The following PSMD12 variants were observed in gnomAD, a reference collection of about 807,000 sequenced individuals.
PSMD12 encodes proteasome 26S subunit, non-ATPase 12, also known as 26S proteasome non-ATPase regulatory subunit 12.
A neutral mutation model predicts 62.9 loss-of-function variants in PSMD12; 8 were observed. The observed-to-expected ratio is 0.13, with a 90% CI of 0.07 to 0.23. The LOEUF (loss-of-function observed/expected upper bound fraction) is 0.23. PSMD12 is among the 10% of genes least tolerant of loss of function. PSMD12 has a pLI of 1.00. For synonymous variants in PSMD12, 173 were observed against 187.4 expected, an observed-to-expected ratio of 0.92 and a Z score of 0.63; for missense variants, 424 against 550.2, an observed-to-expected ratio of 0.77 and a Z score of 2.29.
intron 3 of PSMD12, among the ~76,000 whole-genome samples, chr17:67,355,036 T>C (rs2042054332): frequency 6.6e-6 from 1 of 151,742 alleles, no homozygotes; most frequent in Admixed American, 6.6e-5. Context: ...TTTTAGGTTG[T>C]CTCAATTAAA....
At chr17:67,353,519 T>A (rs1402364959) in intron 3 of PSMD12, among the ~76,000 whole-genome samples, 1 of 152,008 alleles carries the variant, frequency 6.6e-6, no homozygotes, top group Non-Finnish European at 1.5e-5. Flanking sequence ...GTTGCCCAGG[T>A]TGGTCTTAAA....
intron 1 of PSMD12, among the ~76,000 whole-genome samples, chr17:67,360,788 C>T (rs1020040199): frequency 1.3e-5 from 2 of 152,212 alleles, no homozygotes; most frequent in African/African-American, 4.8e-5. Flanking sequence ...TGGCACTCAC[C>T]TGATCTGTAT....
At chr17:67,356,340 C>T (rs971043213) in intron 3 of PSMD12, among the ~76,000 whole-genome samples, 6 of 151,296 alleles carry the variant, frequency 4.0e-5, no homozygotes, top group Admixed American at 6.6e-5. Flanking sequence ...GGGCGGATCA[C>T]GAGGTCAGGA....
rs570265604 is a variant in PSMD12 at position 67,362,538 on chromosome 17, T to C, written c.108+3874A>G. ...AAATACAGGCATGGTAGTGCACGCC[T>C]GTAGTCCCAGCTACTGGGGACGCCG... On this transcript the variant is annotated intron_variant, in intron 1 of 10. Coordinates refer to ENST00000356126, the MANE Select transcript of PSMD12 (RefSeq NM_002816.5). 2.0e-5 allele frequency among the ~76,000 whole-genome samples: 3 copies of C among 149,672 alleles called. No homozygotes were observed. The South Asian group carries it at 6.3e-4, about 31-fold the overall frequency.
At position 67,345,742 on chromosome 17, in the gene PSMD12, T is replaced by C; in HGVS notation, c.908+3A>G. 1 of 1,589,686 alleles carries C rather than the reference T, an allele frequency of 6.3e-7. No homozygotes were observed. The highest frequency in any genetic ancestry group is 8.6e-7 in the Non-Finnish European group (1 of 1,159,160). On this transcript the variant is annotated splice_donor_region_variant and intron_variant, in intron 8 of 10. Transcript: ENST00000356126. Reference sequence around the variant, plus strand: ...ATATCATGCTAATTTCAAAAGTACTTACTTGTATTTGGGAATTTCTTCTAA... The same window carrying C: ...ATATCATGCTAATTTCAAAAGTACTCACTTGTATTTGGGAATTTCTTCTAA...
At chr17:67,361,837 G>T (rs926829310) in intron 1 of PSMD12, among the ~76,000 whole-genome samples, 2 of 120,204 alleles carry the variant, frequency 1.7e-5, no homozygotes, top group Non-Finnish European at 3.2e-5. Flanking sequence ...GAAGCAGGAA[G>T]ATCTCTTAAG....
intron 3 of PSMD12, among the ~76,000 whole-genome samples, chr17:67,354,773 T>C (rs905327305): frequency 1.3e-5 from 2 of 152,142 alleles, no homozygotes; most frequent in Non-Finnish European, 2.9e-5. Context: ...GTGGATCACT[T>C]GAGGTCAGGA....
intron 3 of PSMD12, among the ~76,000 whole-genome samples, chr17:67,354,190 G>C (rs2143713705): frequency 6.6e-6 from 1 of 152,266 alleles, no homozygotes; most frequent in East Asian, 1.9e-4. Flanking sequence ...AAAGGCAGGA[G>C]GACTGCTTAA....
chr17:67,356,545 G>C (rs1212355140), intron 3 of PSMD12, among the ~76,000 whole-genome samples: 3 of 68,068 alleles, frequency 4.4e-5, no homozygotes, highest in Admixed American at 4.9e-4. Flanking sequence ...GCGACAGAGC[G>C]AGACTCCGTC....
chr17:67,343,906 G>T (rs970447002), intron 9 of PSMD12, among the ~76,000 whole-genome samples: 9 of 151,484 alleles, frequency 5.9e-5, no homozygotes, highest in African/African-American at 9.7e-5. Context: ...GTTTCACCAT[G>T]TTGGCCAGGC....
intron 3 of PSMD12, 179 bp downstream of exon 3, chr17:67,357,124 T>G: frequency 1.6e-6 from 1 of 624,934 alleles, no homozygotes; most frequent in South Asian, 3.0e-5. Flanking sequence ...ATATAAAGAC[T>G]AGAAGAAAAA....
At chr17:67,356,012 A>G (rs562364135) in intron 3 of PSMD12, among the ~76,000 whole-genome samples, 38 of 149,648 alleles carry the variant, frequency 2.5e-4, no homozygotes, top group African/African-American at 8.3e-4. Flanking sequence ...ACACACACGC[A>G]CACACACACA....
At chr17:67,343,660 G>GT (rs1468238427) in intron 9 of PSMD12, among the ~76,000 whole-genome samples, 1 of 151,984 alleles carries the variant, frequency 6.6e-6, no homozygotes, top group Non-Finnish European at 1.5e-5. Flanking sequence ...TTATAAGTAC[G>GT]TCTTTCCCTA....
chr17:67,346,022 G>A (rs1027054764), intron 7 of PSMD12, among the ~76,000 whole-genome samples, 165 bp from the exon 8 acceptor site: 5 of 152,132 alleles, frequency 3.3e-5, no homozygotes, highest in African/African-American at 1.2e-4. Flanking sequence ...GGCCAAGGTG[G>A]GCAGATCTCC....
chr17:67,341,258 C>A (rs1964295571), intron 10 of PSMD12, among the ~76,000 whole-genome samples: 1 of 151,848 alleles, frequency 6.6e-6, no homozygotes, highest in South Asian at 2.1e-4. Flanking sequence ...CACTTGAGGT[C>A]AGGAGTTCAA....
chr17:67,348,085 T>A lies in PSMD12; in HGVS notation c.510+465A>T, dbSNP rs545798922. 3.3e-5 allele frequency among the ~76,000 whole-genome samples: 5 copies of A among 152,272 alleles called. No individual in the cohort carries two copies. In the East Asian group the frequency reaches 9.6e-4, roughly 29 times the overall value. The stretch of plus-strand genomic sequence containing the variant: ...CACAAATAAAGCTATTCTGAACAGG[T>A]TTTGTAGACTGGGTTTACGTAAACA... On this transcript the variant is annotated intron_variant, in intron 5 of 10. Coordinates refer to ENST00000356126, the MANE Select transcript of PSMD12 (RefSeq NM_002816.5).
intron 10 of PSMD12, among the ~76,000 whole-genome samples, chr17:67,341,260 G>T (rs146088861): frequency 1.6e-3 from 243 of 152,052 alleles, no homozygotes; most frequent in African/African-American, 5.6e-3. Flanking sequence ...CTTGAGGTCA[G>T]GAGTTCAAGA....
At chr17:67,344,404 C>G (rs2041943976) in intron 9 of PSMD12, among the ~76,000 whole-genome samples, 1 of 151,944 alleles carries the variant, frequency 6.6e-6, no homozygotes, top group Admixed American at 6.6e-5. Flanking sequence ...ATCTGAACAC[C>G]AAATGTGCAT....
In PSMD12 at chr17:67,347,108, A is replaced by G; in HGVS notation, c.795+8T>C. The G allele has an allele frequency of 1.3e-6, 2 of 1,589,026 alleles. No homozygotes were observed. Among genetic ancestry groups the G allele is most frequent in the Non-Finnish European group, 1.7e-6 (2 of 1,167,726 alleles). ...GAAGCCATGTCAATTACACGAATAT[A>G]TTCTTACCTGCTGCCATTTTTCACT... On this transcript the variant is annotated splice_region_variant and intron_variant, in intron 7 of 10. Transcript: ENST00000356126.
Sources: gnomAD v4.1 joint callset for allele counts (sites outside exome capture counted in the v4.1 genomes callset) on GRCh38, gnomAD v4.1.1 for gene constraint, MANE v1.5 for transcripts, NCBI Gene and HGNC (gene_info 2026-07-23, HGNC 2026-07-21) for gene names.